Variants in RIMS3 observed in about 807,000 individuals in gnomAD.
The protein encoded by RIMS3 is regulating synaptic membrane exocytosis 3, also known as regulating synaptic membrane exocytosis protein 3.
In RIMS3, 15 loss-of-function variants were observed where a neutral mutation model predicts 29.2. That is an observed-to-expected ratio of 0.51 (90% CI 0.34 to 0.79). The LOEUF (loss-of-function observed/expected upper bound fraction) is 0.79. Among genes scored for constraint, RIMS3 ranks in the 30% least tolerant of loss-of-function variants. The pLI is 0.01. For missense variants in RIMS3, 342 were observed against 421.4 expected, an observed-to-expected ratio of 0.81 and a Z score of 1.65; for synonymous variants, 161 against 170.1, an observed-to-expected ratio of 0.95 and a Z score of 0.41.
At chr1:40,662,963 T>G (rs1642372846) in intron 1 of RIMS3, among the ~76,000 whole-genome samples, 1 of 152,152 alleles carries the variant, frequency 6.6e-6, no homozygotes, top group Non-Finnish European at 1.5e-5. Context: ...ACACAACCCC[T>G]GTGACTCACC....
At chr1:40,628,685 A>G in intron 7 of RIMS3, 125 bp downstream of exon 7, 1 of 1,317,696 alleles carries the variant, frequency 7.6e-7, no homozygotes, top group Non-Finnish European at 1.1e-6. Context: ...GTGAAAGTAA[A>G]TGAGTAACGC....
the RIMS3 span, chr1:40,691,625 A>G: frequency 2.5e-6 from 1 of 404,874 alleles, no homozygotes. Context: ...GCGAGACCTC[A>G]AGGAGCACAG....
At chr1:40,633,437 C>T (rs1012003958) in intron 4 of RIMS3, among the ~76,000 whole-genome samples, 1 of 152,226 alleles carries the variant, frequency 6.6e-6, no homozygotes, top group Non-Finnish European at 1.5e-5. Context: ...GCTATTTAAT[C>T]CTTAATGTCC....
intron 1 of RIMS3, among the ~76,000 whole-genome samples, chr1:40,662,885 G>A (rs992877969): frequency 3.3e-5 from 5 of 152,144 alleles, no homozygotes; most frequent in East Asian, 1.9e-4. Context: ...GGTTGGAAGC[G>A]GAAGGCATTA....
Position 40,636,221 on chromosome 1 carries a change from G to T in RIMS3, c.218-164C>A, listed in dbSNP as rs1228787633. On this transcript the variant is annotated intron_variant, in intron 3 of 7. Transcript: ENST00000372684. The surrounding 1 kb of genome is among the most constrained non-coding windows in gnomAD (Gnocchi z 4.2). ...GGGGCATGGCTGAGCTGACCTCAGA[G>T]CTGGTCTGCAGCCTGACACCTGGCC... 6.6e-6 allele frequency among the ~76,000 whole-genome samples: 1 copy of T among 152,186 alleles called. No individual in the cohort carries two copies. The highest frequency in any genetic ancestry group is 1.5e-5 in the Non-Finnish European group (1 of 68,022).
chr1:40,625,467 T>C lies in RIMS3; in HGVS notation c.*1050A>G. ...CAACTTCATGCAGTGAATCCCCAAA[T>C]GTCAGATGGGATCCTCAACAGTGGC... On this transcript the variant is annotated 3_prime_UTR_variant, in exon 8 of 8. Transcript: ENST00000372684. 1 of 152,620 alleles carries C rather than the reference T, an allele frequency of 6.6e-6. No homozygotes were observed. The highest frequency in any genetic ancestry group is 1.5e-5 in the Non-Finnish European group (1 of 68,100). 9.5% of individuals were successfully genotyped at this position (152,620 alleles called of 1,614,324 possible). A position where few individuals can be genotyped will look rare whatever the true frequency, so the allele number is the denominator to read the frequency against.
intron 1 of RIMS3, among the ~76,000 whole-genome samples, chr1:40,661,489 C>T (rs553164480): frequency 1.2e-4 from 19 of 152,132 alleles, no homozygotes; most frequent in Non-Finnish European, 1.9e-4. Context: ...AATTTTAAGA[C>T]GGTGTCAGCA....
upstream of RIMS3, among the ~76,000 whole-genome samples, chr1:40,666,505 T>C (rs938506027): frequency 9.9e-5 from 15 of 152,148 alleles, no homozygotes; most frequent in African/African-American, 3.4e-4. Context: ...AACTTCCAAA[T>C]AGACTCCTGG....
In RIMS3 at chr1:40,654,672, C is replaced by T. The variant is rs1042019705; in HGVS notation, c.-206-6830G>A. Reference sequence around the variant, plus strand: ...ACACCCTGCCACACACACACAAACTCGCACGCTGCAGAAAAACTCCCTCGC... The same window carrying T: ...ACACCCTGCCACACACACACAAACTTGCACGCTGCAGAAAAACTCCCTCGC... On this transcript the variant is annotated intron_variant, in intron 1 of 7. Coordinates refer to ENST00000372684, the MANE Select transcript of RIMS3 (RefSeq NM_014747.3). The surrounding 1 kb of genome is among the most constrained non-coding windows in gnomAD (Gnocchi z 5.3). 2.6e-5 allele frequency among the ~76,000 whole-genome samples: 4 copies of T among 151,988 alleles called. No homozygotes were observed. Among genetic ancestry groups the T allele is most frequent in the African/African-American group, 9.7e-5 (4 of 41,370 alleles).
At chr1:40,646,048 T>A (rs997123693) in intron 2 of RIMS3, among the ~76,000 whole-genome samples, 1 of 152,146 alleles carries the variant, frequency 6.6e-6, no homozygotes, top group African/African-American at 2.4e-5. Context: ...GGAATCAGGA[T>A]GTGGGATTCG....
At chr1:40,689,571 T>C in the RIMS3 span, among the ~76,000 whole-genome samples, 1 of 152,046 alleles carries the variant, frequency 6.6e-6, no homozygotes, top group African/African-American at 2.4e-5. Context: ...TGAGCCACCG[T>C]GCCCGGCCGG....
chr1:40,685,369 ATATT>A, the RIMS3 span, among the ~76,000 whole-genome samples: 6 of 101,186 alleles, frequency 5.9e-5, no homozygotes, highest in Non-Finnish European at 9.6e-5. Context: ...AATATAATAT[ATATT>A]AATATATAAT....
the RIMS3 span, chr1:40,690,408 C>G: frequency 6.6e-6 from 1 of 151,764 alleles, no homozygotes; most frequent in Non-Finnish European, 1.5e-5. Context: ...GTCGCCCATG[C>G]TAGAGTGCAG....
chr1:40,663,965 A>G (rs1291011651), intron 1 of RIMS3, among the ~76,000 whole-genome samples: 1 of 152,124 alleles, frequency 6.6e-6, no homozygotes, highest in Non-Finnish European at 1.5e-5. Context: ...GGTTTGTTTT[A>G]CTGAAAGAGT....
At chr1:40,652,166 G>A (rs754074764) in intron 1 of RIMS3, among the ~76,000 whole-genome samples, 2 of 152,070 alleles carry the variant, frequency 1.3e-5, no homozygotes, top group African/African-American at 4.8e-5. Context: ...CTCCTTACAG[G>A]GGCTGCTAAA....
At chr1:40,642,722 G>A (rs1196650256) in intron 2 of RIMS3, among the ~76,000 whole-genome samples, 2 of 151,754 alleles carry the variant, frequency 1.3e-5, no homozygotes, top group Non-Finnish European at 2.9e-5. Context: ...TTGGGAGGCC[G>A]AGGCGGGCGG....
rs1438773906 is a variant in RIMS3, at chr1:40,620,788, C to T, written c.*5729G>A. On this transcript the variant is annotated 3_prime_UTR_variant, in exon 8 of 8. Coordinates refer to ENST00000372684, the MANE Select transcript of RIMS3 (RefSeq NM_014747.3). ...GAATTGGCAAGAATGTTGTACGAAA[C>T]AGCCGGCAGTCCCTCCCAGCTGTGC... 1 of 152,638 alleles carries T rather than the reference C, an allele frequency of 6.6e-6. No individual in the cohort carries two copies. The highest frequency in any genetic ancestry group is 1.5e-5 in the Non-Finnish European group (1 of 68,062). 9.5% of individuals were successfully genotyped at this position (152,638 alleles called of 1,614,324 possible). A position where few individuals can be genotyped will look rare whatever the true frequency, so the allele number is the denominator to read the frequency against.
intron 3 of RIMS3, among the ~76,000 whole-genome samples, chr1:40,641,193 A>C (rs1036862853): frequency 1.3e-5 from 2 of 152,106 alleles, no homozygotes; most frequent in African/African-American, 4.8e-5. Flanking sequence ...GGCTGGTCTC[A>C]AACTCCTGGG....
chr1:40,684,911 T>A, the RIMS3 span, among the ~76,000 whole-genome samples: 1 of 152,160 alleles, frequency 6.6e-6, no homozygotes, highest in East Asian at 1.9e-4. Flanking sequence ...AGGTGGTGTT[T>A]CATCAGGGTC....
Sources: allele counts gnomAD v4.1 joint callset (sites outside exome capture counted in the v4.1 genomes callset), GRCh38; gene constraint gnomAD v4.1.1; non-coding constraint Gnocchi (gnomAD v3.1); transcripts MANE v1.5; gene names NCBI Gene and HGNC (gene_info 2026-07-23, HGNC 2026-07-21).